EFNA5: variants seen among roughly 807,000 people sequenced by gnomAD.
EFNA5 encodes ephrin A5.
A neutral mutation model predicts 22.9 loss-of-function variants in EFNA5; 5 were observed. That is an observed-to-expected ratio of 0.22 (90% CI 0.11 to 0.46). EFNA5 has a LOEUF of 0.46. Ranked by LOEUF, EFNA5 falls within the 20% of genes least tolerant of loss-of-function variation. EFNA5 has a pLI of 0.99. For synonymous variants in EFNA5, 113 were observed against 112.2 expected (o/e 1.01, Z -0.04); for missense variants, 237 against 293.3 (o/e 0.81, Z 1.40).
chr5:107,441,320 T>A (rs1227591364), intron 1 of EFNA5, among the ~76,000 whole-genome samples: 1 of 152,188 alleles, frequency 6.6e-6, no homozygotes, highest in Non-Finnish European at 1.5e-5. Context: ...AAGCACAATC[T>A]ACCAGGCTAA....
At position 107,592,964 on chromosome 5, in the gene EFNA5, G is replaced by A. The variant is rs140867770; in HGVS notation, c.125+77525C>T. Among the ~76,000 whole-genome samples the A allele has an allele frequency of 8.7e-4, 133 of 152,246 alleles. No homozygotes were observed. The East Asian group carries it at 0.01, about 12-fold the overall frequency. Reference sequence around the variant, plus strand: ...AATAGCCATGAGGAAGCAGTGATGAGGCAAAATCTGTCAAATTTAATGTTT... The same window carrying A: ...AATAGCCATGAGGAAGCAGTGATGAAGCAAAATCTGTCAAATTTAATGTTT... On this transcript the variant is annotated intron_variant, in intron 1 of 4. Transcript: ENST00000333274.
chr5:107,658,725 C>T (rs2112558524), intron 1 of EFNA5, among the ~76,000 whole-genome samples: 1 of 152,246 alleles, frequency 6.6e-6, no homozygotes, highest in Middle Eastern at 3.4e-3. Flanking sequence ...CCAGCAGCAT[C>T]AATGTCATCT....
intron 1 of EFNA5, among the ~76,000 whole-genome samples, chr5:107,636,064 AT>A (rs1383614316): frequency 3.9e-5 from 6 of 152,236 alleles, no homozygotes; most frequent in African/African-American, 1.4e-4. Context: ...TCTGCATGCT[AT>A]AACTGATGCT....
At chr5:107,398,854 C>CAAAAAAAAAAAAAAAAAA (rs1214380627) in intron 2 of EFNA5, among the ~76,000 whole-genome samples, 1 of 65,004 alleles carries the variant, frequency 1.5e-5, no homozygotes, top group Non-Finnish European at 3.1e-5. Context: ...GACACTGCCT[C>CAAAAAAAAAAAAAAAAAA]AAAAAAAAAA....
intron 1 of EFNA5, among the ~76,000 whole-genome samples, chr5:107,621,659 G>A (rs1460188082): frequency 6.6e-6 from 1 of 152,044 alleles, no homozygotes; most frequent in Non-Finnish European, 1.5e-5. Flanking sequence ...TGTGTAAATA[G>A]GACTAATACC....
In EFNA5 at chr5:107,648,920, C is replaced by G. The variant is rs1326813176; in HGVS notation, c.125+21569G>C. On this transcript the variant is annotated intron_variant, in intron 1 of 4. Transcript: ENST00000333274. ...TATTAGTTCCTCTTAACTGAAAAAA[C>G]AAAGTTGGAGGGTTGGGGAGAAGTA... Among the ~76,000 whole-genome samples, 3 of 152,160 alleles carry G rather than the reference C, an allele frequency of 2.0e-5. No individual in the cohort carries two copies. The South Asian group carries it at 6.2e-4, about 32-fold the overall frequency.
At position 107,415,590 on chromosome 5, in the gene EFNA5, C is replaced by G. The variant is rs76517078; in HGVS notation, c.418+11627G>C. 3.9e-3 allele frequency among the ~76,000 whole-genome samples: 598 copies of G among 152,268 alleles called. 7 individuals carry two copies. The highest frequency in any genetic ancestry group is 0.014 in the African/African-American group (575 of 41,556). Reference sequence around the variant, plus strand: ...GGGCTCCCTGACTCCGGTAATCACCCTCATGAACCAGTGCCAAGATCCCCT... The same window carrying G: ...GGGCTCCCTGACTCCGGTAATCACCGTCATGAACCAGTGCCAAGATCCCCT... On this transcript the variant is annotated intron_variant, in intron 2 of 4. Coordinates refer to ENST00000333274, the MANE Select transcript of EFNA5 (RefSeq NM_001962.3).
chr5:107,496,362 C>A (rs867800264), intron 1 of EFNA5, among the ~76,000 whole-genome samples: 3,768 of 117,520 alleles, frequency 0.032, 179 homozygotes, highest in African/African-American at 0.11. Context: ...AACAAAAAAA[C>A]AAAAAACAAC....
chr5:107,549,015 T>C (rs1748229668), intron 1 of EFNA5, among the ~76,000 whole-genome samples: 1 of 152,198 alleles, frequency 6.6e-6, no homozygotes, highest in Admixed American at 6.5e-5. Flanking sequence ...TGTAATTGAT[T>C]TACCCAATAG....
intron 1 of EFNA5, among the ~76,000 whole-genome samples, chr5:107,576,708 G>C (rs62355629): frequency 2.8e-3 from 427 of 152,312 alleles, no homozygotes; most frequent in South Asian, 0.014. Context: ...TTCTTATAAA[G>C]CTGCTAACAC....
At chr5:107,387,362 C>A in intron 3 of EFNA5, 47 bp from the exon 4 acceptor site, 1 of 1,215,712 alleles carries the variant, frequency 8.2e-7, no homozygotes, top group Non-Finnish European at 1.2e-6. Context: ...GTGAAGACAC[C>A]CTTAAACTCC....
At chr5:107,600,802 C>G (rs1749576146) in intron 1 of EFNA5, among the ~76,000 whole-genome samples, 1 of 152,132 alleles carries the variant, frequency 6.6e-6, no homozygotes, top group South Asian at 2.1e-4. Context: ...ATGTTTCTCT[C>G]TTAATATACA....
chr5:107,597,024 T>C (rs1020323937), intron 1 of EFNA5, among the ~76,000 whole-genome samples: 2 of 152,184 alleles, frequency 1.3e-5, no homozygotes, highest in African/African-American at 4.8e-5. Context: ...TCTCTGAGCT[T>C]ACTTCCTCAC....
intron 1 of EFNA5, among the ~76,000 whole-genome samples, chr5:107,484,675 C>A (rs1380338862): frequency 6.6e-6 from 1 of 152,134 alleles, no homozygotes. Context: ...TGTAGGACTT[C>A]AGGCAAATTA....
At chr5:107,548,267 G>A (rs1279981513) in intron 1 of EFNA5, among the ~76,000 whole-genome samples, 1 of 152,106 alleles carries the variant, frequency 6.6e-6, no homozygotes, top group Non-Finnish European at 1.5e-5. Context: ...AAATTTTTTT[G>A]AAGTTTAGAA....
chr5:107,405,528 T>C (rs1748185482), intron 2 of EFNA5, among the ~76,000 whole-genome samples: 1 of 152,212 alleles, frequency 6.6e-6, no homozygotes, highest in African/African-American at 2.4e-5. Flanking sequence ...AATCAATGAA[T>C]GTCCTATTTA....
chr5:107,544,119 G>A (rs527982701), intron 1 of EFNA5, among the ~76,000 whole-genome samples: 1 of 152,254 alleles, frequency 6.6e-6, no homozygotes, highest in South Asian at 2.1e-4. Flanking sequence ...ATCGCCCCTG[G>A]TGGGAGGGAG....
At chr5:107,486,019 T>C (rs1746610141) in intron 1 of EFNA5, among the ~76,000 whole-genome samples, 1 of 152,128 alleles carries the variant, frequency 6.6e-6, no homozygotes, top group Non-Finnish European at 1.5e-5. Context: ...CAATGTCATG[T>C]TGAGGGTAAA....
intron 1 of EFNA5, among the ~76,000 whole-genome samples, chr5:107,614,839 C>T (rs920565807): frequency 6.6e-5 from 10 of 152,028 alleles, no homozygotes; most frequent in African/African-American, 2.2e-4. Flanking sequence ...ATATAATGAG[C>T]ACTATATATA....
Sources: gnomAD v4.1 joint callset for allele counts (sites outside exome capture counted in the v4.1 genomes callset) on GRCh38, gnomAD v4.1.1 for gene constraint, MANE v1.5 for transcripts, NCBI Gene and HGNC (gene_info 2026-07-23, HGNC 2026-07-21) for gene names.